PTGFRN: variants seen among roughly 807,000 people sequenced by gnomAD.
PTGFRN encodes the protein prostaglandin F2 receptor negative regulator.
A neutral mutation model predicts 83.2 loss-of-function variants in PTGFRN; 35 were observed. That is an observed-to-expected ratio of 0.42 (90% CI 0.32 to 0.56). The LOEUF (loss-of-function observed/expected upper bound fraction) is 0.56, where lower values mean the gene tolerates loss of function less well. PTGFRN is among the 20% of genes least tolerant of loss of function. The pLI is 0.11. For missense variants in PTGFRN, 1,051 were observed against 1,179.5 expected (o/e 0.89, Z 1.60); for synonymous variants, 519 against 498.6 (o/e 1.04, Z -0.55).
chr1:116,933,902 C>A (rs767152568), intron 1 of PTGFRN, among the ~76,000 whole-genome samples: 3 of 152,162 alleles, frequency 2.0e-5, no homozygotes, highest in Admixed American at 6.5e-5. Flanking sequence ...CATATCTTAT[C>A]TTGCATCTGT....
intron 4 of PTGFRN, among the ~76,000 whole-genome samples, chr1:116,960,770 T>C (rs1421076668): frequency 6.6e-6 from 1 of 152,220 alleles, no homozygotes; most frequent in African/African-American, 2.4e-5. Context: ...TGAGCCACTG[T>C]GCCACTGATG....
chr1:116,976,973 A>G (rs1285385585), intron 7 of PTGFRN, among the ~76,000 whole-genome samples: 10 of 152,244 alleles, frequency 6.6e-5, no homozygotes, highest in Non-Finnish European at 1.3e-4. Context: ...TATATTCAGG[A>G]GACCCATCTC....
At chr1:116,975,070 A>G (rs762417584) in intron 7 of PTGFRN, among the ~76,000 whole-genome samples, 3 of 152,178 alleles carry the variant, frequency 2.0e-5, no homozygotes, top group Non-Finnish European at 4.4e-5. Context: ...GCACACCAGG[A>G]GATTATATCC....
At chr1:116,965,988 A>G (rs1650817809) in intron 5 of PTGFRN, among the ~76,000 whole-genome samples, 1 of 152,232 alleles carries the variant, frequency 6.6e-6, no homozygotes, top group African/African-American at 2.4e-5. Flanking sequence ...ATGTTCTGCT[A>G]ATCGGTTTGG....
rs544255972 is a variant in PTGFRN at position 116,935,423 on chromosome 1, T to G, written c.50-6292T>G. ...GACCCTTGAGCCTGGCTGCCTTGAT[T>G]GCTCACCACTGCATTCAGTTAGCTT... is the stretch of plus-strand genomic sequence containing the variant. On this transcript the variant is annotated intron_variant, in intron 1 of 8. Coordinates refer to ENST00000393203, the MANE Select transcript of PTGFRN (RefSeq NM_020440.4). Among the ~76,000 whole-genome samples, 76 of 152,244 alleles carry G rather than the reference T, an allele frequency of 5.0e-4. 1 individual carries two copies. Among genetic ancestry groups the G allele is most frequent in the Middle Eastern group, 3.4e-3 (1 of 294 alleles).
At chr1:116,916,185 T>A (rs1255809483) in intron 1 of PTGFRN, among the ~76,000 whole-genome samples, 2 of 152,214 alleles carry the variant, frequency 1.3e-5, no homozygotes, top group African/African-American at 4.8e-5. Flanking sequence ...GGGACCTTAA[T>A]TGCATCCTGT....
intron 1 of PTGFRN, 99 bp downstream of exon 1, chr1:116,910,351 G>A: frequency 8.1e-6 from 9 of 1,106,650 alleles, no homozygotes; most frequent in Non-Finnish European, 1.0e-5. Context: ...GGCGCCGAGG[G>A]TGCCCGGGCT....
intron 5 of PTGFRN, among the ~76,000 whole-genome samples, chr1:116,966,456 GGCACTTCCCCT>G (rs1225369092): frequency 6.6e-6 from 1 of 152,168 alleles, no homozygotes; most frequent in Non-Finnish European, 1.5e-5. Flanking sequence ...CTTAGCTAGG[GGCACTTCCCCT>G]GCACTTAGCA....
At position 116,923,211 on chromosome 1, in the gene PTGFRN, A is replaced by T. The variant is rs554009593; in HGVS notation, c.49+12959A>T. The stretch of plus-strand genomic sequence containing the variant: ...AATCTTTGAATAATTGAATTAATGT[A>T]TGTGCTTAGAAAAATGCCTATAAGG... On this transcript the variant is annotated intron_variant, in intron 1 of 8. Coordinates refer to ENST00000393203, the MANE Select transcript of PTGFRN (RefSeq NM_020440.4). This position sits in a 1 kb window ranked among gnomAD's most constrained non-coding sequence, Gnocchi z 4.0. Among the ~76,000 whole-genome samples, 1 of 152,210 alleles carries T rather than the reference A, an allele frequency of 6.6e-6. No individual in the cohort carries two copies. Among genetic ancestry groups the T allele is most frequent in the Non-Finnish European group, 1.5e-5 (1 of 68,030 alleles).
chr1:116,941,752 G>A lies in PTGFRN; in HGVS notation c.87G>A (p.Ala29=), dbSNP rs375720205. Residue 29 remains alanine, a synonymous_variant, in exon 2 of 9, where the codon GCG becomes GCA. Coordinates refer to ENST00000393203, the MANE Select transcript of PTGFRN (RefSeq NM_020440.4). This position sits in a 1 kb window ranked among gnomAD's most constrained non-coding sequence, Gnocchi z 5.0. ...CRGRVVRVPT[A]TLVRVVGTEL... ...GGCGTGTGGTGAGAGTCCCCACAGC[G>A]ACCCTGGTTCGAGTGGTGGGCACTG... 9 of 1,613,852 alleles carry A rather than the reference G, an allele frequency of 5.6e-6. No homozygotes were observed. Among genetic ancestry groups the A allele is most frequent in the East Asian group, 4.5e-5 (2 of 44,892 alleles).
At chr1:116,954,218 A>G (rs539565176) in intron 4 of PTGFRN, among the ~76,000 whole-genome samples, 1 of 151,874 alleles carries the variant, frequency 6.6e-6, no homozygotes, top group African/African-American at 2.4e-5. Flanking sequence ...TGTTATTTTT[A>G]TTGCTCTGAA....
At position 116,923,135 on chromosome 1, in the gene PTGFRN, T is replaced by C. The variant is rs1313119755; in HGVS notation, c.49+12883T>C. 6.6e-6 allele frequency among the ~76,000 whole-genome samples: 1 copy of C among 152,162 alleles called. No individual in the cohort carries two copies. Among genetic ancestry groups the C allele is most frequent in the African/African-American group, 2.4e-5 (1 of 41,420 alleles). On this transcript the variant is annotated intron_variant, in intron 1 of 8. Transcript: ENST00000393203. The surrounding 1 kb of genome is among the most constrained non-coding windows in gnomAD (Gnocchi z 4.0). ...TGTGTCTCACCCAACCGTAAGCAGC[T>C]CGAAAGCAGGATCATGTCTGTTTTT...
At chr1:116,951,302 A>G (rs1470096565) in intron 4 of PTGFRN, among the ~76,000 whole-genome samples, 2 of 152,216 alleles carry the variant, frequency 1.3e-5, no homozygotes, top group Non-Finnish European at 2.9e-5. Flanking sequence ...CCAGAGAGTG[A>G]AAAGAAATAA....
rs1447314683 is a variant in PTGFRN at position 116,986,940 on chromosome 1, C to T, written c.2613C>T (p.Arg871=). 3.7e-6 allele frequency: 6 copies of T among 1,614,242 alleles called. No homozygotes were observed. In the East Asian group the frequency reaches 1.3e-4, roughly 36 times the overall value. Residue 871 remains arginine (R), a synonymous_variant, in exon 9 of 9, where the codon CGC becomes CGT. Transcript: ENST00000393203. The part of the protein sequence containing the change: ...KEVQETRRER[R]RLMSMEMD ...TTCAGGAGACACGGCGCGAGCGCCGCAGGCTCATGTCGATGGAGATGGACT... is the reference window on the plus strand; with the variant it reads ...TTCAGGAGACACGGCGCGAGCGCCGTAGGCTCATGTCGATGGAGATGGACT...
At position 116,984,754 on chromosome 1, in the gene PTGFRN, TC is replaced by T; in HGVS notation, c.2245del (p.Leu749TrpfsTer7). On this transcript the variant is annotated frameshift_variant, in exon 8 of 9. Coordinates refer to ENST00000393203, the MANE Select transcript of PTGFRN (RefSeq NM_020440.4). LOFTEE classifies it high-confidence loss of function. ...GLDKAPVLLSSLDRKGIVTTS... is the reference protein window; with the variant it reads ...GLDKAPVLLSXLDRKGIVTTS... The stretch of plus-strand genomic sequence containing the variant: ...GGACAAGGCTCCTGTGCTCCTGTCT[TC>T]CCTGGATCGGAAGGGCATCGTGACC... 1 of 1,614,144 alleles carries T rather than the reference TC, an allele frequency of 6.2e-7. No homozygotes were observed. The highest frequency in any genetic ancestry group is 8.5e-7 in the Non-Finnish European group (1 of 1,180,036).
intron 5 of PTGFRN, among the ~76,000 whole-genome samples, chr1:116,963,944 C>T (rs997638502): frequency 1.3e-5 from 2 of 151,832 alleles, no homozygotes; most frequent in African/African-American, 2.4e-5. Flanking sequence ...ATCATCATGC[C>T]TGGCTATTTT....
At position 116,923,363 on chromosome 1, in the gene PTGFRN, C is replaced by T. The variant is rs755560386; in HGVS notation, c.49+13111C>T. On this transcript the variant is annotated intron_variant, in intron 1 of 8. Coordinates refer to ENST00000393203, the MANE Select transcript of PTGFRN (RefSeq NM_020440.4). This position sits in a 1 kb window ranked among gnomAD's most constrained non-coding sequence, Gnocchi z 4.0. The stretch of plus-strand genomic sequence containing the variant: ...ATCTTCTTTTGTTTGGAAAGAATTG[C>T]GTGTGACTTCATTTCTAAGACAGGT... Among the ~76,000 whole-genome samples the T allele has an allele frequency of 2.0e-5, 3 of 152,112 alleles. No homozygotes were observed. The highest frequency in any genetic ancestry group is 4.4e-5 in the Non-Finnish European group (3 of 68,022).
chr1:116,962,784 A>G (rs946806227), intron 5 of PTGFRN, among the ~76,000 whole-genome samples: 1 of 151,878 alleles, frequency 6.6e-6, no homozygotes, highest in African/African-American at 2.4e-5. Flanking sequence ...CAATCCCCCA[A>G]CCTTACTGGG....
At chr1:116,942,122 A>G (rs1380904387) in intron 2 of PTGFRN, 39 bp downstream of exon 2, 1 of 1,567,856 alleles carries the variant, frequency 6.4e-7, no homozygotes, top group Non-Finnish European at 8.7e-7. Context: ...CAGGGGCCAG[A>G]CCTTTCTCTG....
Sources: allele counts gnomAD v4.1 joint callset (sites outside exome capture counted in the v4.1 genomes callset), GRCh38; gene constraint gnomAD v4.1.1; non-coding constraint Gnocchi (gnomAD v3.1); transcripts MANE v1.5; gene names NCBI Gene and HGNC (gene_info 2026-07-23, HGNC 2026-07-21).